The following DSCAM variants were observed in gnomAD, a reference collection of about 807,000 sequenced individuals.
DSCAM encodes the protein cell adhesion molecule DSCAM.
Under a neutral mutation model 217.7 loss-of-function variants are expected in DSCAM, and 47 were observed. The observed-to-expected ratio is 0.22, with a 90% CI of 0.17 to 0.28. DSCAM has a LOEUF of 0.28. Ranked by LOEUF, DSCAM falls within the 10% of genes least tolerant of loss-of-function variation. The probability of loss-of-function intolerance (pLI) is 1.00; values close to 1 mark genes in which losing one functional copy is unlikely to be tolerated. For synonymous variants in DSCAM, 1,056 were observed against 1,015.3 expected, an observed-to-expected ratio of 1.04 and a Z score of -0.76; for missense variants, 2,080 against 2,618.3, an observed-to-expected ratio of 0.79 and a Z score of 4.49.
At chr21:40,298,160 C>A (rs541769259) in intron 9 of DSCAM, among the ~76,000 whole-genome samples, 4 of 149,728 alleles carry the variant, frequency 2.7e-5, no homozygotes, top group Admixed American at 2.0e-4. Context: ...CTGCTCACTG[C>A]AACTTCCACC....
intron 1 of DSCAM, among the ~76,000 whole-genome samples, chr21:40,824,402 G>GTTTTTTTTTTT (rs2091951995): frequency 3.4e-5 from 4 of 116,226 alleles, no homozygotes; most frequent in African/African-American, 1.6e-4. Flanking sequence ...TTTTATTATT[G>GTTTTTTTTTTT]ATTTTTTTTT....
intron 1 of DSCAM, among the ~76,000 whole-genome samples, chr21:40,729,249 G>C (rs565783074): frequency 6.6e-6 from 1 of 152,112 alleles, no homozygotes; most frequent in Non-Finnish European, 1.5e-5. Flanking sequence ...GAACTCTGTC[G>C]TGAGGAACAG....
chr21:40,041,691 G>C (rs2088753072), intron 32 of DSCAM, among the ~76,000 whole-genome samples: 1 of 152,170 alleles, frequency 6.6e-6, no homozygotes, highest in South Asian at 2.1e-4. Context: ...AGGTGTTCAA[G>C]TTGAAGACCA....
At chr21:40,108,649 T>C (rs192170639) in intron 20 of DSCAM, among the ~76,000 whole-genome samples, 63 of 152,286 alleles carry the variant, frequency 4.1e-4, no homozygotes, top group African/African-American at 1.3e-3. Flanking sequence ...GAAAAAACTA[T>C]TTTAAAAATT....
At chr21:40,035,211 C>T (rs1226989099) in intron 32 of DSCAM, among the ~76,000 whole-genome samples, 1 of 112,484 alleles carries the variant, frequency 8.9e-6, no homozygotes, top group Non-Finnish European at 1.8e-5. Context: ...TTAAAAGACA[C>T]AGTCTGGCAA....
chr21:40,431,515 T>C (rs2075531959), intron 3 of DSCAM, among the ~76,000 whole-genome samples: 1 of 152,058 alleles, frequency 6.6e-6, no homozygotes, highest in African/African-American at 2.4e-5. Context: ...TTATGACTCC[T>C]CAGCCTACTC....
chr21:40,412,877 T>C (rs2075336122), intron 3 of DSCAM, among the ~76,000 whole-genome samples: 1 of 152,146 alleles, frequency 6.6e-6, no homozygotes, highest in African/African-American at 2.4e-5. Context: ...GAAAAAGTGG[T>C]TTCATGGGCC....
intron 3 of DSCAM, among the ~76,000 whole-genome samples, chr21:40,397,354 G>A (rs1029458019): frequency 6.6e-6 from 1 of 151,872 alleles, no homozygotes; most frequent in Admixed American, 6.6e-5. Context: ...GAGTTCACAC[G>A]AGATCTTGTC....
intron 8 of DSCAM, among the ~76,000 whole-genome samples, chr21:40,334,760 G>T (rs1411319243): frequency 1.3e-5 from 2 of 152,148 alleles, no homozygotes; most frequent in African/African-American, 2.4e-5. Context: ...GTATTCTCCT[G>T]TCTCAGCCTC....
rs117616147 is a variant in DSCAM at position 40,683,809 on chromosome 21, G to A, written c.508+9001C>T. Among the ~76,000 whole-genome samples, 205 of 152,298 alleles carry A rather than the reference G, an allele frequency of 1.3e-3. 4 individuals carry two copies. The East Asian group carries it at 0.034, about 25-fold the overall frequency. ...GTTACGATCCTTTGAACACTGGAGAGTAGGTGCAGCAGAGTTGAGAATGGG... is the reference window on the plus strand; with the variant it reads ...GTTACGATCCTTTGAACACTGGAGAATAGGTGCAGCAGAGTTGAGAATGGG... On this transcript the variant is annotated intron_variant, in intron 3 of 32. Coordinates refer to ENST00000400454, the MANE Select transcript of DSCAM (RefSeq NM_001389.5).
At chr21:40,636,760 CTTTTT>C (rs3070821) in intron 3 of DSCAM, among the ~76,000 whole-genome samples, 12 of 133,608 alleles carry the variant, frequency 9.0e-5, no homozygotes, top group Non-Finnish European at 1.9e-4. Context: ...GGTCTCATGA[CTTTTT>C]TTTTTTTTTT....
At chr21:40,598,469 T>G (rs1326428259) in intron 3 of DSCAM, among the ~76,000 whole-genome samples, 1 of 151,790 alleles carries the variant, frequency 6.6e-6, no homozygotes, top group African/African-American at 2.4e-5. Flanking sequence ...GGTAAGACTA[T>G]GTTTAGTTTG....
chr21:40,773,688 T>A (rs62223058), intron 1 of DSCAM, among the ~76,000 whole-genome samples: 8,781 of 152,270 alleles, frequency 0.058, 372 homozygotes, highest in Non-Finnish European at 0.082. Context: ...GGCCCCTGAT[T>A]TTCCCTCTGA....
chr21:40,168,370 A>G (rs2090620069), intron 15 of DSCAM, among the ~76,000 whole-genome samples: 1 of 152,108 alleles, frequency 6.6e-6, no homozygotes, highest in Non-Finnish European at 1.5e-5. Context: ...GATGTAAAAC[A>G]TTTTGCCAAC....
intron 19 of DSCAM, among the ~76,000 whole-genome samples, chr21:40,129,762 A>T (rs888646451): frequency 3.3e-5 from 5 of 152,162 alleles, no homozygotes; most frequent in African/African-American, 1.2e-4. Context: ...GGCTATGCAA[A>T]CATAGCATGC....
At chr21:40,430,716 C>A (rs796146361) in intron 3 of DSCAM, among the ~76,000 whole-genome samples, 1 of 152,210 alleles carries the variant, frequency 6.6e-6, no homozygotes, top group African/African-American at 2.4e-5. Context: ...CTGGCTCTAC[C>A]GCTGGACTCC....
chr21:40,298,501 C>T (rs541706003), intron 9 of DSCAM, among the ~76,000 whole-genome samples: 20 of 151,934 alleles, frequency 1.3e-4, no homozygotes, highest in African/African-American at 3.6e-4. Flanking sequence ...AGATGGTATT[C>T]GGAGACAAAA....
intron 18 of DSCAM, among the ~76,000 whole-genome samples, chr21:40,134,623 C>T (rs1035716625): frequency 2.6e-5 from 4 of 152,146 alleles, no homozygotes; most frequent in African/African-American, 9.7e-5. Context: ...TCTTGCATAA[C>T]TGAAACTTTG....
At chr21:40,234,501 G>A (rs1281965423) in intron 11 of DSCAM, among the ~76,000 whole-genome samples, 1 of 152,214 alleles carries the variant, frequency 6.6e-6, no homozygotes, top group Non-Finnish European at 1.5e-5. Context: ...TGGTAATGTT[G>A]AGTCAAGATG....
Sources: gnomAD v4.1 joint callset for allele counts (sites outside exome capture counted in the v4.1 genomes callset) on GRCh38, gnomAD v4.1.1 for gene constraint, MANE v1.5 for transcripts, NCBI Gene and HGNC (gene_info 2026-07-23, HGNC 2026-07-21) for gene names.